The following GRM3 variants were observed in gnomAD, a reference collection of about 807,000 sequenced individuals.
GRM3 encodes glutamate metabotropic receptor 3.
Under a neutral mutation model 70.5 loss-of-function variants are expected in GRM3, and 26 were observed. The ratio of observed to expected loss-of-function variants is 0.37; its 90% CI spans 0.27 to 0.51. The LOEUF (loss-of-function observed/expected upper bound fraction) is 0.51, where lower values mean the gene tolerates loss of function less well. GRM3 is among the 20% of genes least tolerant of loss of function. GRM3 has a pLI of 0.93. For missense variants in GRM3, 859 were observed against 1,123.8 expected (o/e 0.76, Z 3.37); for synonymous variants, 443 against 434.9 (o/e 1.02, Z -0.23).
At chr7:86,753,772 T>C (rs1414828600) in intron 1 of GRM3, among the ~76,000 whole-genome samples, 2 of 152,140 alleles carry the variant, frequency 1.3e-5, no homozygotes, top group Non-Finnish European at 1.5e-5. Flanking sequence ...TATAAGAGCA[T>C]TGTTAAATTT....
At chr7:86,673,467 G>C (rs1393595453) in intron 1 of GRM3, among the ~76,000 whole-genome samples, 2 of 152,026 alleles carry the variant, frequency 1.3e-5, no homozygotes, top group Non-Finnish European at 2.9e-5. Flanking sequence ...CAAGCCTTCT[G>C]TCTACATTTT....
chr7:86,708,974 A>C (rs1795128280), intron 1 of GRM3, among the ~76,000 whole-genome samples: 1 of 152,040 alleles, frequency 6.6e-6, no homozygotes, highest in Non-Finnish European at 1.5e-5. Flanking sequence ...CAGAGTTAAA[A>C]AAAATCTTAA....
Position 86,838,863 on chromosome 7 carries a change from C to A in GRM3, c.1349C>A (p.Ala450Glu). ...FTAPFNPNKD[A>E]DSIVKFDTFG... ...GCTCCATTCAACCCAAATAAAGATG[C>A]AGATAGCATAGTCAAGTTTGACACT... The change falls in exon 4 of 6, where the codon GCA becomes GAA. Residue 450 changes from alanine (A) to glutamate (E), a missense_variant. Ala to Glu is a moderately radical substitution (Grantham distance 107). Coordinates refer to ENST00000361669, the MANE Select transcript of GRM3 (RefSeq NM_000840.3). The A allele has an allele frequency of 6.2e-7, 1 of 1,607,760 alleles. No homozygotes were observed. The highest frequency in any genetic ancestry group is 8.5e-7 in the Non-Finnish European group (1 of 1,175,524).
At chr7:86,655,268 T>C (rs1290262373) in intron 1 of GRM3, among the ~76,000 whole-genome samples, 19 of 152,226 alleles carry the variant, frequency 1.2e-4, no homozygotes, top group Non-Finnish European at 2.9e-5. Context: ...TTCAAAGTTC[T>C]GCTTAATCTA....
At chr7:86,681,690 A>G (rs1205594099) in intron 1 of GRM3, among the ~76,000 whole-genome samples, 1 of 152,100 alleles carries the variant, frequency 6.6e-6, no homozygotes, top group Non-Finnish European at 1.5e-5. Flanking sequence ...TGCTGAGGTA[A>G]CATCTCACAT....
intron 1 of GRM3, among the ~76,000 whole-genome samples, chr7:86,751,100 G>A (rs1796219950): frequency 6.6e-6 from 1 of 152,178 alleles, no homozygotes; most frequent in Non-Finnish European, 1.5e-5. Context: ...TGTCTGAAAT[G>A]GCATCAGGTA....
At chr7:86,715,818 A>T (rs532158416) in intron 1 of GRM3, among the ~76,000 whole-genome samples, 2 of 152,160 alleles carry the variant, frequency 1.3e-5, no homozygotes, top group East Asian at 3.9e-4. Flanking sequence ...TACAAAGAGA[A>T]AATTTCTATC....
chr7:86,781,795 T>C (rs1053136466), intron 2 of GRM3, among the ~76,000 whole-genome samples: 6 of 152,132 alleles, frequency 3.9e-5, no homozygotes, highest in Non-Finnish European at 7.4e-5. Flanking sequence ...AATATAGAAA[T>C]ATAAGACTTT....
intron 1 of GRM3, among the ~76,000 whole-genome samples, chr7:86,693,713 A>C (rs1794746653): frequency 6.6e-6 from 1 of 151,906 alleles, no homozygotes; most frequent in Admixed American, 6.5e-5. Context: ...GAAAAGAAAG[A>C]GTCCAAAAAG....
intron 1 of GRM3, among the ~76,000 whole-genome samples, chr7:86,712,661 T>TG (rs1795225223): frequency 6.6e-6 from 1 of 152,024 alleles, no homozygotes; most frequent in Non-Finnish European, 1.5e-5. Context: ...TCCCAGCCTC[T>TG]GGGGACTGAT....
At chr7:86,724,676 G>A (rs1205806798) in intron 1 of GRM3, among the ~76,000 whole-genome samples, 1 of 152,082 alleles carries the variant, frequency 6.6e-6, no homozygotes, top group Non-Finnish European at 1.5e-5. Context: ...AATAGGCCTG[G>A]GATGGAGCCT....
In GRM3 at chr7:86,653,004, A is replaced by G. The variant is rs754139002; in HGVS notation, c.-141+8132A>G. On this transcript the variant is annotated intron_variant, in intron 1 of 5. Coordinates refer to ENST00000361669, the MANE Select transcript of GRM3 (RefSeq NM_000840.3). ...GTTGTCTTAGTCTGCTCAGACTGCT[A>G]TAATGAAATACCATAGACCAGGTAG... Among the ~76,000 whole-genome samples the G allele has an allele frequency of 2.4e-4, 36 of 152,368 alleles. No homozygotes were observed. The South Asian group carries it at 4.3e-3, about 18-fold the overall frequency.
intron 3 of GRM3, among the ~76,000 whole-genome samples, chr7:86,788,103 T>C (rs1386523725): frequency 6.6e-6 from 1 of 152,198 alleles, no homozygotes. Context: ...GAATTACTAA[T>C]ACCTCTCATG....
intron 1 of GRM3, among the ~76,000 whole-genome samples, chr7:86,669,030 G>A (rs942046987): frequency 6.6e-6 from 1 of 152,128 alleles, no homozygotes; most frequent in African/African-American, 2.4e-5. Context: ...AAGATAGTAA[G>A]TATTTCTCCA....
intron 1 of GRM3, among the ~76,000 whole-genome samples, chr7:86,719,761 G>A (rs750031689): frequency 3.6e-4 from 55 of 151,790 alleles, no homozygotes; most frequent in Non-Finnish European, 6.6e-4. Context: ...GCATCTAACA[G>A]GACAATCTAG....
At chr7:86,790,488 A>C (rs989476905) in intron 3 of GRM3, among the ~76,000 whole-genome samples, 1 of 152,124 alleles carries the variant, frequency 6.6e-6, no homozygotes, top group Non-Finnish European at 1.5e-5. Flanking sequence ...TATTCTCTAC[A>C]TGATAGCCAG....
At chr7:86,835,917 AT>A (rs1798448174) in intron 3 of GRM3, among the ~76,000 whole-genome samples, 1 of 152,182 alleles carries the variant, frequency 6.6e-6, no homozygotes, top group Non-Finnish European at 1.5e-5. Context: ...TGGCCTACAT[AT>A]TAATTTTTAA....
chr7:86,674,746 CAT>C (rs1657370686), intron 1 of GRM3, among the ~76,000 whole-genome samples: 1 of 152,080 alleles, frequency 6.6e-6, no homozygotes, highest in Admixed American at 6.6e-5. Flanking sequence ...ACTCCTTACT[CAT>C]ATATGATTTT....
At chr7:86,717,181 A>T (rs909306448) in intron 1 of GRM3, among the ~76,000 whole-genome samples, 2 of 151,964 alleles carry the variant, frequency 1.3e-5, no homozygotes, top group African/African-American at 4.8e-5. Flanking sequence ...GGACTGTGCT[A>T]ACTCCCCATG....
Sources: allele counts gnomAD v4.1 joint callset (sites outside exome capture counted in the v4.1 genomes callset), GRCh38; gene constraint gnomAD v4.1.1; transcripts MANE v1.5; gene names NCBI Gene and HGNC (gene_info 2026-07-23, HGNC 2026-07-21).